The following PSMB7 variants were observed in gnomAD, a reference collection of about 807,000 sequenced individuals.
PSMB7 encodes the protein proteasome subunit beta type-7.
Under a neutral mutation model 28.1 loss-of-function variants are expected in PSMB7, and 5 were observed. That is an observed-to-expected ratio of 0.18 (90% CI 0.09 to 0.37). The LOEUF (loss-of-function observed/expected upper bound fraction) is 0.37. Ranked by LOEUF, PSMB7 falls within the 10% of genes least tolerant of loss-of-function variation. The pLI is 1.00. For missense variants in PSMB7, 275 were observed against 346.2 expected (o/e 0.79, Z 1.63); for synonymous variants, 122 against 123.7 (o/e 0.99, Z 0.09).
At chr9:124,367,044 G>T (rs574993556) in intron 6 of PSMB7, among the ~76,000 whole-genome samples, 17 of 152,316 alleles carry the variant, frequency 1.1e-4, no homozygotes, top group African/African-American at 3.9e-4. Context: ...TTGAAACTAC[G>T]ACAGGGAAGC....
intron 4 of PSMB7, among the ~76,000 whole-genome samples, chr9:124,405,698 T>C (rs1368790120): frequency 6.6e-6 from 1 of 152,100 alleles, no homozygotes. Flanking sequence ...TATTATTTTT[T>C]TGAGACAGGG....
At chr9:124,366,730 A>G (rs1291484641) in intron 6 of PSMB7, among the ~76,000 whole-genome samples, 1 of 152,298 alleles carries the variant, frequency 6.6e-6, no homozygotes, top group South Asian at 2.1e-4. Context: ...CAGATACACC[A>G]TTTTTTATCT....
At position 124,355,437 on chromosome 9, in the gene PSMB7, C is replaced by T. The variant is rs573669481; in HGVS notation, c.722+1327G>A. 2.6e-4 allele frequency among the ~76,000 whole-genome samples: 40 copies of T among 152,348 alleles called. 4 individuals carry two copies. The highest frequency in any genetic ancestry group is 2.3e-3 in the South Asian group (11 of 4,826). ...GGCAACCACTTCTCACTGGCCCAGA[C>T]GTGGCTTTCAGAGTCCTCGCCCAGG... On this transcript the variant is annotated intron_variant, in intron 7 of 7. Transcript: ENST00000259457.
At position 124,404,918 on chromosome 9, in the gene PSMB7, T is replaced by C. The variant is rs990031834; in HGVS notation, c.511+399A>G. ...GTATCATGTTAGCACTCAAAAACTT[T>C]AGGATTTTGGAGCTTTTCAGATTTC... On this transcript the variant is annotated intron_variant, in intron 5 of 7. Coordinates refer to ENST00000259457, the MANE Select transcript of PSMB7 (RefSeq NM_002799.4). 4.7e-4 allele frequency among the ~76,000 whole-genome samples: 71 copies of C among 152,252 alleles called. 1 individual carries two copies. The highest frequency in any genetic ancestry group is 2.5e-3 in the South Asian group (12 of 4,822).
chr9:124,387,162 C>T (rs1830731618), intron 5 of PSMB7, among the ~76,000 whole-genome samples: 1 of 152,152 alleles, frequency 6.6e-6, no homozygotes, highest in South Asian at 2.1e-4. Context: ...AGGAGAATGG[C>T]ATGAACCCGG....
chr9:124,379,469 A>C (rs1830643651), intron 6 of PSMB7, among the ~76,000 whole-genome samples: 1 of 152,180 alleles, frequency 6.6e-6, no homozygotes, highest in Non-Finnish European at 1.5e-5. Flanking sequence ...AAATTAGAAG[A>C]CCACTCAAGG....
rs1830354404 is a variant in PSMB7 at position 124,353,481 on chromosome 9, G to A, written c.*117C>T. 3.7e-6 allele frequency: 3 copies of A among 806,262 alleles called. No homozygotes were observed. The highest frequency in any genetic ancestry group is 2.5e-5 in the East Asian group (1 of 39,396). 49.9% of individuals were successfully genotyped at this position (806,262 alleles called of 1,614,324 possible). A position where few individuals can be genotyped will look rare whatever the true frequency, so the allele number is the denominator to read the frequency against. On this transcript the variant is annotated 3_prime_UTR_variant, in exon 8 of 8. Coordinates refer to ENST00000259457, the MANE Select transcript of PSMB7 (RefSeq NM_002799.4). ...GCCCAGACCTCAGCTGCCCAATTTG[G>A]TTTTTGTTTTTTATTGAGTTGAGTT...
chr9:124,406,096 A>G (rs1830959905), intron 4 of PSMB7, among the ~76,000 whole-genome samples: 1 of 152,210 alleles, frequency 6.6e-6, no homozygotes, highest in East Asian at 1.9e-4. Flanking sequence ...ACTGACTCCA[A>G]AGATTATCAG....
At chr9:124,363,841 G>T (rs1285014290) in intron 6 of PSMB7, among the ~76,000 whole-genome samples, 1 of 152,160 alleles carries the variant, frequency 6.6e-6, no homozygotes. Flanking sequence ...TCTGTCCTAG[G>T]TCACTGAGTG....
intron 7 of PSMB7, among the ~76,000 whole-genome samples, chr9:124,355,771 C>G (rs1830397915): frequency 6.6e-6 from 1 of 152,232 alleles, no homozygotes; most frequent in African/African-American, 2.4e-5. Context: ...TCCCCAACCC[C>G]AGTGCCAGCG....
At chr9:124,378,681 A>G (rs1228381215) in intron 6 of PSMB7, among the ~76,000 whole-genome samples, 1 of 152,218 alleles carries the variant, frequency 6.6e-6, no homozygotes, top group African/African-American at 2.4e-5. Context: ...CACTAGGCCA[A>G]ATGAAAACAT....
intron 3 of PSMB7, among the ~76,000 whole-genome samples, chr9:124,413,314 G>A (rs146572881): frequency 2.6e-5 from 4 of 151,850 alleles, no homozygotes; most frequent in African/African-American, 9.7e-5. Flanking sequence ...AGGGAAATAG[G>A]GACAGTTCAG....
chr9:124,369,501 C>T (rs781609267), intron 6 of PSMB7, among the ~76,000 whole-genome samples: 12 of 152,186 alleles, frequency 7.9e-5, no homozygotes, highest in South Asian at 2.1e-4. Context: ...TCTAATGGAA[C>T]GTGGCAGCTT....
At chr9:124,372,674 A>G (rs536146530) in intron 6 of PSMB7, among the ~76,000 whole-genome samples, 2 of 152,344 alleles carry the variant, frequency 1.3e-5, no homozygotes, top group African/African-American at 4.8e-5. Flanking sequence ...GCCACTTTCA[A>G]CTTTGACTTT....
chr9:124,380,685 G>A (rs1830654826), intron 6 of PSMB7, among the ~76,000 whole-genome samples: 1 of 152,208 alleles, frequency 6.6e-6, no homozygotes, highest in Non-Finnish European at 1.5e-5. Context: ...GCCTGGAAAG[G>A]AGCCCTCGGG....
At chr9:124,409,830 A>C (rs939669735) in intron 4 of PSMB7, among the ~76,000 whole-genome samples, 1 of 152,198 alleles carries the variant, frequency 6.6e-6, no homozygotes, top group African/African-American at 2.4e-5. Context: ...ATCAAATCCT[A>C]AACTCTTTCC....
chr9:124,405,001 T>C (rs1197357651), intron 5 of PSMB7, among the ~76,000 whole-genome samples: 2 of 152,184 alleles, frequency 1.3e-5, no homozygotes, highest in South Asian at 4.1e-4. Flanking sequence ...TATTTATATA[T>C]ATTTATAATA....
chr9:124,358,135 C>CA, intron 6 of PSMB7, among the ~76,000 whole-genome samples: 1 of 152,354 alleles, frequency 6.6e-6, no homozygotes, highest in East Asian at 1.9e-4. Context: ...ACCCAAGCAA[C>CA]ACCCTTGGAG....
intron 6 of PSMB7, among the ~76,000 whole-genome samples, chr9:124,362,090 A>G (rs1437128201): frequency 6.6e-6 from 1 of 152,246 alleles, no homozygotes; most frequent in Non-Finnish European, 1.5e-5. Flanking sequence ...AAAATATTAA[A>G]TATGCACTTG....
Sources: allele counts gnomAD v4.1 joint callset (sites outside exome capture counted in the v4.1 genomes callset), GRCh38; gene constraint gnomAD v4.1.1; transcripts MANE v1.5; gene names NCBI Gene and HGNC (gene_info 2026-07-23, HGNC 2026-07-21).